Variants in ADGRV1 observed in about 807,000 individuals in gnomAD.
ADGRV1 encodes adhesion G protein-coupled receptor V1, also known as G-protein coupled receptor 98.
Under a neutral mutation model 596.2 loss-of-function variants are expected in ADGRV1, and 359 were observed. The ratio of observed to expected loss-of-function variants is 0.60; its 90% CI spans 0.55 to 0.66. The LOEUF (loss-of-function observed/expected upper bound fraction) is 0.66. Ranked by LOEUF, ADGRV1 falls within the 30% of genes least tolerant of loss-of-function variation. The pLI, the probability that ADGRV1 is intolerant of heterozygous loss-of-function variation, is 0.00. For synonymous variants in ADGRV1, 2,681 were observed against 2,679.2 expected (o/e 1.00, Z -0.02); for missense variants, 7,274 against 7,575.6 (o/e 0.96, Z 1.48).
rs1207229002 is a variant in ADGRV1, at chr5:90,663,934, G to A, written c.4752+5656G>A. On this transcript the variant is annotated intron_variant, in intron 21 of 89. Transcript: ENST00000405460. ...GATCAGATAGTTGTAGATATGCGGC[G>A]TTATTTCTGAGGGCTCTGTTCTGTT... Among the ~76,000 whole-genome samples the A allele has an allele frequency of 6.5e-4, 98 of 150,582 alleles. No homozygotes were observed. The East Asian group carries it at 0.013, about 20-fold the overall frequency.
At chr5:91,108,422 C>T (rs1229517555) in intron 87 of ADGRV1, among the ~76,000 whole-genome samples, 1 of 152,112 alleles carries the variant, frequency 6.6e-6, no homozygotes, top group African/African-American at 2.4e-5. Context: ...AGATTACTGA[C>T]TTACTTTTTA....
At chr5:91,019,914 A>C (rs1783494292) in intron 85 of ADGRV1, among the ~76,000 whole-genome samples, 1 of 151,870 alleles carries the variant, frequency 6.6e-6, no homozygotes, top group South Asian at 2.1e-4. Flanking sequence ...TCTGTCTTCC[A>C]CCCCCAGGTC....
chr5:90,965,371 C>T lies in ADGRV1; in HGVS notation c.17857-44C>T, dbSNP rs770584884. ...AGTTTACTTTCTTAATATTCTTCAT[C>T]GATTTTAGCATATTTTAAAAATAGA... On this transcript the variant is annotated intron_variant, in intron 83 of 89. Transcript: ENST00000405460. The T allele has an allele frequency of 6.8e-6, 8 of 1,183,522 alleles. 1 individual carries two copies. Among genetic ancestry groups the T allele is most frequent in the South Asian group, 4.9e-5 (4 of 81,904 alleles). 73.3% of individuals were successfully genotyped at this position (1,183,522 alleles called of 1,614,324 possible).
At chr5:90,760,860 A>G (rs973725759) in intron 58 of ADGRV1, among the ~76,000 whole-genome samples, 2 of 152,236 alleles carry the variant, frequency 1.3e-5, no homozygotes, top group African/African-American at 4.8e-5. Context: ...AATTATCACT[A>G]CATCTTAAGT....
Position 90,634,119 on chromosome 5 carries a change from T to C in ADGRV1, c.1840-995T>C, listed in dbSNP as rs1478392670. Among the ~76,000 whole-genome samples, 5 of 152,338 alleles carry C rather than the reference T, an allele frequency of 3.3e-5. No individual in the cohort carries two copies. In the East Asian group the frequency reaches 7.7e-4, roughly 23 times the overall value. ...ATTTTATTTTAATATTTAAAATTCC[T>C]ATGGTTTTTGCAGTCCTGTGACGAT... On this transcript the variant is annotated intron_variant, in intron 9 of 89. Transcript: ENST00000405460.
chr5:91,009,995 CAAA>C (rs199528471), intron 85 of ADGRV1, among the ~76,000 whole-genome samples: 4 of 145,958 alleles, frequency 2.7e-5, no homozygotes, highest in South Asian at 2.1e-4. Context: ...CATTACAGAG[CAAA>C]AAAAAAAATG....
chr5:90,606,770 G>A (rs1561372492), intron 1 of ADGRV1, among the ~76,000 whole-genome samples: 1 of 150,702 alleles, frequency 6.6e-6, no homozygotes, highest in Non-Finnish European at 1.5e-5. Context: ...CACCTAGGGG[G>A]CAGTAGATAT....
At chr5:91,131,658 G>C (rs1052191909) in intron 87 of ADGRV1, among the ~76,000 whole-genome samples, 1 of 151,874 alleles carries the variant, frequency 6.6e-6, no homozygotes, top group African/African-American at 2.4e-5. Flanking sequence ...TTTTTCTGTT[G>C]ATTTGTTTAA....
intron 85 of ADGRV1, among the ~76,000 whole-genome samples, chr5:91,055,083 T>C (rs1325212259): frequency 1.3e-5 from 2 of 152,160 alleles, no homozygotes; most frequent in African/African-American, 4.8e-5. Flanking sequence ...TTGTAAGTTT[T>C]TCTTGCTTTC....
At chr5:90,618,266 G>A (rs1048263545) in intron 3 of ADGRV1, among the ~76,000 whole-genome samples, 6 of 152,068 alleles carry the variant, frequency 3.9e-5, no homozygotes, top group Admixed American at 3.9e-4. Context: ...GCTACCAAAT[G>A]TACAAAGAAT....
At chr5:91,061,177 CCAAA>C (rs1289484766) in intron 85 of ADGRV1, among the ~76,000 whole-genome samples, 6 of 152,140 alleles carry the variant, frequency 3.9e-5, no homozygotes, top group African/African-American at 1.4e-4. Flanking sequence ...TTTTCCAGTA[CCAAA>C]CAATTTTGTT....
chr5:90,938,693 T>A (rs1775920699), intron 83 of ADGRV1, among the ~76,000 whole-genome samples: 2 of 152,234 alleles, frequency 1.3e-5, no homozygotes, highest in Admixed American at 1.3e-4. Context: ...ATAAAATCTC[T>A]ACCCTCTTGG....
At chr5:90,594,732 T>C (rs552506790) in intron 1 of ADGRV1, among the ~76,000 whole-genome samples, 1,848 of 150,414 alleles carry the variant, frequency 0.012, 43 homozygotes, top group African/African-American at 0.044. Context: ...AAAGCACATC[T>C]TGCACTGCCC....
At chr5:90,951,650 G>A (rs901695467) in intron 83 of ADGRV1, among the ~76,000 whole-genome samples, 4 of 152,098 alleles carry the variant, frequency 2.6e-5, no homozygotes, top group African/African-American at 4.8e-5. Flanking sequence ...ATAAGTGAAT[G>A]TCTCCAATTC....
chr5:90,624,393 A>G (rs1474952144), intron 5 of ADGRV1, among the ~76,000 whole-genome samples: 3 of 152,170 alleles, frequency 2.0e-5, no homozygotes, highest in East Asian at 1.9e-4. Context: ...CAACTTATCT[A>G]TGGATGTCTA....
At chr5:91,084,166 C>T (rs1275468435) in intron 86 of ADGRV1, among the ~76,000 whole-genome samples, 1 of 152,056 alleles carries the variant, frequency 6.6e-6, no homozygotes, top group Non-Finnish European at 1.5e-5. Context: ...CTTCCTTCCA[C>T]CCTTAGTTGT....
intron 85 of ADGRV1, among the ~76,000 whole-genome samples, chr5:91,020,858 G>A (rs1489631532): frequency 6.6e-6 from 1 of 151,908 alleles, no homozygotes; most frequent in African/African-American, 2.4e-5. Flanking sequence ...TTATTTAAGG[G>A]GTACTGACTT....
At chr5:91,031,654 T>G (rs1312131184) in intron 85 of ADGRV1, among the ~76,000 whole-genome samples, 3 of 152,140 alleles carry the variant, frequency 2.0e-5, no homozygotes, top group Admixed American at 6.6e-5. Context: ...ATAAGATGAG[T>G]CATATTATTT....
chr5:90,867,523 G>A (rs746701889), intron 83 of ADGRV1, among the ~76,000 whole-genome samples: 2 of 152,092 alleles, frequency 1.3e-5, no homozygotes, highest in East Asian at 1.9e-4. Context: ...ACACCCTTGC[G>A]AAAAGATTCT....
Sources: gnomAD v4.1 joint callset for allele counts (sites outside exome capture counted in the v4.1 genomes callset) on GRCh38, gnomAD v4.1.1 for gene constraint, MANE v1.5 for transcripts, NCBI Gene and HGNC (gene_info 2026-07-23, HGNC 2026-07-21) for gene names.